The following SRSF9 variants were observed in gnomAD, a reference collection of about 807,000 sequenced individuals.
SRSF9 encodes serine/arginine-rich splicing factor 9.
In SRSF9, 3 loss-of-function variants were observed where a neutral mutation model predicts 25.9. The ratio of observed to expected loss-of-function variants is 0.12; its 90% CI spans 0.05 to 0.30. The LOEUF (loss-of-function observed/expected upper bound fraction) is 0.30. Among genes scored for constraint, SRSF9 ranks in the 10% least tolerant of loss-of-function variants. The pLI is 1.00. For synonymous variants in SRSF9, 114 were observed against 113.2 expected (o/e 1.01, Z -0.05); for missense variants, 161 against 303.5 (o/e 0.53, Z 3.49).
At chr12:120,462,407 C>T in intron 3 of SRSF9, 1 of 371,774 alleles carries the variant, frequency 2.7e-6, no homozygotes, top group Non-Finnish European at 4.9e-6. Flanking sequence ...ACAATAAATG[C>T]CAATTTGACA....
chr12:120,463,250 G>C (rs1441900105), intron 3 of SRSF9: 2 of 152,050 alleles, frequency 1.3e-5, no homozygotes, highest in African/African-American at 4.8e-5. Flanking sequence ...GAGTCTGAAG[G>C]GTGACATAAT....
Position 120,461,921 on chromosome 12 carries a change from T to C in SRSF9, c.*98A>G. ...CTTTAAAAAAAAAAAATTAAAAAAA[T>C]TTCCTAAGACACTAAATCCTCAATC... is the stretch of plus-strand genomic sequence containing the variant. On this transcript the variant is annotated 3_prime_UTR_variant, in exon 4 of 4. Transcript: ENST00000229390. The C allele has an allele frequency of 1.6e-6, 2 of 1,260,248 alleles. No homozygotes were observed. The highest frequency in any genetic ancestry group is 2.1e-6 in the Non-Finnish European group (2 of 965,378). 78.1% of individuals were successfully genotyped at this position (1,260,248 alleles called of 1,614,324 possible).
chr12:120,464,223 A>G, intron 2 of SRSF9, 101 bp from the exon 3 acceptor site: 1 of 1,343,066 alleles, frequency 7.4e-7, no homozygotes, highest in Non-Finnish European at 1.0e-6. Context: ...GATCACTTAA[A>G]TCCTGAGGGT....
At chr12:120,464,749 G>C (rs1472558246) in intron 2 of SRSF9, 2 of 152,200 alleles carry the variant, frequency 1.3e-5, no homozygotes, top group African/African-American at 4.8e-5. Context: ...TCATGAAAGG[G>C]AAATGTGCTC....
At chr12:120,462,184 A>G (rs1878361781) in intron 3 of SRSF9, 22 bp from the exon 4 acceptor site, 2 of 1,594,654 alleles carry the variant, frequency 1.3e-6, no homozygotes, top group African/African-American at 1.3e-5. Context: ...ACAAAAACAA[A>G]AAGAGTAAAG....
intron 1 of SRSF9, 46 bp downstream of exon 1, chr12:120,469,376 G>C (rs773637302): frequency 1.3e-6 from 2 of 1,486,864 alleles, no homozygotes; most frequent in South Asian, 2.4e-5. Context: ...GGAAGGCGGG[G>C]GCCTCAGGCA....
rs940710190 is a variant in SRSF9 at position 120,462,047 on chromosome 12, T to C, written c.638A>G (p.His213Arg). Residue 213 changes from histidine to arginine, a missense_variant, in exon 4 of 4, where the codon CAC becomes CGC. Physicochemically the swap from His to Arg is conservative, Grantham distance 29. This residue lies in a region of SRSF9 where 21 missense variants were observed against 20.1 expected (regional missense o/e 1.05). Coordinates refer to ENST00000229390, the MANE Select transcript of SRSF9 (RefSeq NM_003769.3). ...DSPYQSRGSP[H>R]YFSPFRPY ...GTAGGGCCTGAAAGGAGAGAAGTAG[T>C]GTGGGGAACCCCTGCTTTGGTATGG... 1.9e-6 allele frequency: 3 copies of C among 1,611,610 alleles called. No homozygotes were observed. The highest frequency in any genetic ancestry group is 1.3e-5 in the African/African-American group (1 of 74,794).
intron 2 of SRSF9, chr12:120,465,224 TAA>T (rs1878456100): frequency 6.4e-6 from 1 of 155,362 alleles, no homozygotes; most frequent in South Asian, 2.1e-4. Context: ...TATTTAATTC[TAA>T]AACCACCACA....
chr12:120,462,037 A>C lies in SRSF9; in HGVS notation c.648T>G (p.Ser216=). ...YQSRGSPHYF[S]PFRPY ...ACCTGTCTCAGTAGGGCCTGAAAGG[A>C]GAGAAGTAGTGTGGGGAACCCCTGC... The change falls in exon 4 of 4, where the codon TCT becomes TCG. Residue 216 remains serine, a synonymous_variant. Coordinates refer to ENST00000229390, the MANE Select transcript of SRSF9 (RefSeq NM_003769.3). 6.2e-7 allele frequency: 1 copy of C among 1,611,420 alleles called. No individual in the cohort carries two copies. Among genetic ancestry groups the C allele is most frequent in the African/African-American group, 1.3e-5 (1 of 74,956 alleles).
intron 3 of SRSF9, chr12:120,462,614 A>G (rs1440315221): frequency 6.5e-6 from 1 of 153,594 alleles, no homozygotes; most frequent in Non-Finnish European, 1.4e-5. Flanking sequence ...GACCTGAGCT[A>G]GATGCTTTAG....
intron 3 of SRSF9, 200 bp downstream of exon 3, chr12:120,463,750 C>A: frequency 1.8e-6 from 1 of 544,032 alleles, no homozygotes. Context: ...AAAAAACAAA[C>A]GTACCATGAA....
chr12:120,465,406 A>G (rs1878460148), intron 2 of SRSF9: 2 of 403,704 alleles, frequency 5.0e-6, no homozygotes. Flanking sequence ...ACTCCTTTAC[A>G]AGAAATATGG....
In SRSF9 at chr12:120,465,926, T is replaced by C. The variant is rs1592992135; in HGVS notation, c.189-139A>G. 8 of 796,990 alleles carry C rather than the reference T, an allele frequency of 1.0e-5. No individual in the cohort carries two copies. The East Asian group carries it at 2.5e-4, about 25-fold the overall frequency. 49.4% of individuals were successfully genotyped at this position (796,990 alleles called of 1,614,324 possible). On this transcript the variant is annotated intron_variant, in intron 1 of 3. Coordinates refer to ENST00000229390, the MANE Select transcript of SRSF9 (RefSeq NM_003769.3). ...GAAGAAAAAAACACACAAATCAGGA[T>C]CCTGAAGCACTTCTGCTTTGGTTTG...
At chr12:120,465,812 A>G in intron 1 of SRSF9, 25 bp from the exon 2 acceptor site, 2 of 1,566,680 alleles carry the variant, frequency 1.3e-6, no homozygotes, top group Non-Finnish European at 1.7e-6. Flanking sequence ...AACAACAAAA[A>G]AAACGTTTGG....
At chr12:120,462,193 A>C (rs879764291) in intron 3 of SRSF9, 31 bp from the exon 4 acceptor site, 5 of 1,582,862 alleles carry the variant, frequency 3.2e-6, no homozygotes, top group South Asian at 1.1e-5. Flanking sequence ...AAAAGAGTAA[A>C]GGGGAAAAAA....
rs1409287144 is a variant in SRSF9, at chr12:120,465,448, A to T, written c.349+179T>A. 11 of 573,542 alleles carry T rather than the reference A, an allele frequency of 1.9e-5. No individual in the cohort carries two copies. In the Admixed American group the frequency reaches 3.5e-4, roughly 18 times the overall value. 35.5% of individuals were successfully genotyped at this position (573,542 alleles called of 1,614,324 possible). ...TCTTCCAAGGCTGCACTCCCAGCGC[A>T]ATTTCATTTGCAGGATACTTTCCTC... On this transcript the variant is annotated intron_variant, in intron 2 of 3. Transcript: ENST00000229390.
rs499344 is a variant in SRSF9 at position 120,462,306 on chromosome 12, C to T, written c.523-144G>A. The stretch of plus-strand genomic sequence containing the variant: ...CTGGCATGAGGCTATCTCATTAAAC[C>T]TTCATAACATTATGAGGTAGGTACT... On this transcript the variant is annotated intron_variant, in intron 3 of 3. Coordinates refer to ENST00000229390, the MANE Select transcript of SRSF9 (RefSeq NM_003769.3). The T allele has an allele frequency of 8.2e-4, 654 of 792,870 alleles. 2 individuals carry two copies. The African/African-American group carries it at 0.01, about 13-fold the overall frequency. The allele number at this position is 792,870 out of a possible 1,614,324, so 49.1% of individuals were successfully genotyped here.
intron 2 of SRSF9, 55 bp downstream of exon 2, chr12:120,465,572 A>G: frequency 6.6e-7 from 1 of 1,511,150 alleles, no homozygotes; most frequent in Non-Finnish European, 8.8e-7. Context: ...TGGAAGACAG[A>G]CTCTGTGTTA....
At chr12:120,467,805 T>C (rs974292772) in intron 1 of SRSF9, among the ~76,000 whole-genome samples, 1 of 149,686 alleles carries the variant, frequency 6.7e-6, no homozygotes, top group African/African-American at 2.5e-5. Flanking sequence ...TTCAAATCCA[T>C]TGATCCCGGC....
Sources: gnomAD v4.1 joint callset for allele counts (sites outside exome capture counted in the v4.1 genomes callset) on GRCh38, gnomAD v4.1.1 for gene constraint, gnomAD v4.1.1 regional missense constraint, MANE v1.5 for transcripts, NCBI Gene and HGNC (gene_info 2026-07-23, HGNC 2026-07-21) for gene names.